The following ANO4 variants were observed in gnomAD, a reference collection of about 807,000 sequenced individuals.
ANO4 encodes the protein anoctamin-4.
A neutral mutation model predicts 141.9 loss-of-function variants in ANO4; 69 were observed. That is an observed-to-expected ratio of 0.49 (90% confidence interval 0.40 to 0.59). The LOEUF is 0.59. ANO4 is among the 20% of genes least tolerant of loss of function. The pLI is 0.00. For missense variants in ANO4, 894 were observed against 1,162.2 expected, an observed-to-expected ratio of 0.77 and a Z score of 3.36; for synonymous variants, 350 against 394.3, an observed-to-expected ratio of 0.89 and a Z score of 1.33.
chr12:100,759,158 C>T (rs1362132991), intron 3 of ANO4, among the ~76,000 whole-genome samples: 1 of 152,164 alleles, frequency 6.6e-6, no homozygotes, highest in African/African-American at 2.4e-5. Flanking sequence ...CACAGAGACA[C>T]ATTGGACCAT....
intron 9 of ANO4, among the ~76,000 whole-genome samples, chr12:101,032,546 G>T (rs1165757245): frequency 6.6e-6 from 1 of 152,194 alleles, no homozygotes; most frequent in Non-Finnish European, 1.5e-5. Flanking sequence ...CAAAGTGGGA[G>T]AAAATTTTCT....
At chr12:100,962,288 A>G (rs750824763) in intron 5 of ANO4, among the ~76,000 whole-genome samples, 1 of 152,196 alleles carries the variant, frequency 6.6e-6, no homozygotes, top group Non-Finnish European at 1.5e-5. Context: ...TTCCTTCTCA[A>G]TGACTGTGTG....
chr12:100,967,853 A>G (rs542458924), intron 5 of ANO4, among the ~76,000 whole-genome samples: 1 of 152,328 alleles, frequency 6.6e-6, no homozygotes, highest in Admixed American at 6.5e-5. Flanking sequence ...ATGCATTTGC[A>G]AAGCCATGGA....
intron 2 of ANO4, among the ~76,000 whole-genome samples, chr12:100,735,453 T>C (rs1157270072): frequency 6.6e-6 from 1 of 152,056 alleles, no homozygotes; most frequent in Non-Finnish European, 1.5e-5. Flanking sequence ...TAGGAGGACA[T>C]TTAGGGTTCA....
chr12:100,942,301 A>G, intron 4 of ANO4, 76 bp from the exon 5 acceptor site: 1 of 1,516,104 alleles, frequency 6.6e-7, no homozygotes. Context: ...TTTAGTTTTA[A>G]TTGTTCTTTA....
intron 3 of ANO4, among the ~76,000 whole-genome samples, chr12:100,933,612 T>C (rs528619749): frequency 2.6e-4 from 39 of 152,372 alleles, no homozygotes; most frequent in Admixed American, 6.5e-4. Flanking sequence ...TAGCATGATT[T>C]ATAATCCTTT....
intron 3 of ANO4, among the ~76,000 whole-genome samples, chr12:100,774,133 A>G (rs1288259200): frequency 2.0e-5 from 3 of 152,168 alleles, no homozygotes; most frequent in Admixed American, 6.5e-5. Context: ...CTCCTGTTCT[A>G]AAGTCTGTCT....
At position 101,085,332 on chromosome 12, in the gene ANO4, G is replaced by C. The variant is rs199675820; in HGVS notation, c.1537-1328G>C. On this transcript the variant is annotated intron_variant, in intron 16 of 27. Transcript: ENST00000392977. The stretch of plus-strand genomic sequence containing the variant: ...TTAAAGTCAGCCCTATGTGTCTGTG[G>C]GTTCTGCATTTATGAATTCAACCAG... Among the ~76,000 whole-genome samples, 135 of 152,146 alleles carry C rather than the reference G, an allele frequency of 8.9e-4. 2 individuals carry two copies. In the East Asian group the frequency reaches 0.019, roughly 21 times the overall value.
intron 9 of ANO4, 116 bp downstream of exon 9, chr12:101,020,256 C>G: frequency 1.5e-6 from 1 of 668,024 alleles, no homozygotes. Context: ...TATAAAACCC[C>G]TAACTAATCC....
intron 22 of ANO4, among the ~76,000 whole-genome samples, chr12:101,105,052 G>A (rs2050386567): frequency 6.6e-6 from 1 of 152,060 alleles, no homozygotes; most frequent in Admixed American, 6.6e-5. Flanking sequence ...GATATGATGG[G>A]CAGGAGGCTG....
At position 101,086,708 on chromosome 12, in the gene ANO4, G is replaced by T; in HGVS notation, c.1585G>T (p.Val529Leu). 1.2e-6 allele frequency: 2 copies of T among 1,613,828 alleles called. No individual in the cohort carries two copies. The highest frequency in any genetic ancestry group is 1.7e-6 in the Non-Finnish European group (2 of 1,179,802). ...AVFGIVIYRV[V>L]TVSTFAAFKW... The stretch of plus-strand genomic sequence containing the variant: ...GTTCGGGATCGTCATTTACCGGGTG[G>T]TGACTGTCAGCACTTTCGCTGCCTT... Residue 529 changes from valine to leucine, a missense_variant, in exon 17 of 28, where the codon GTG (valine) becomes TTG (leucine). Physicochemically the swap from Val to Leu is conservative, Grantham distance 32. Coordinates refer to ENST00000392977, the MANE Select transcript of ANO4 (RefSeq NM_001286615.2).
At chr12:100,893,537 C>T (rs1458848740) in intron 1 of ANO4, among the ~76,000 whole-genome samples, 1 of 152,058 alleles carries the variant, frequency 6.6e-6, no homozygotes, top group Admixed American at 6.6e-5. Flanking sequence ...CTAGTCGGGA[C>T]ATGTGCTTTT....
rs568622804 is a variant in ANO4, at chr12:100,814,143, G to A, written c.-141+19116G>A. ...CCAAATAGGAAGATCTTTAATTCTCGAAAACGGTATACTATATACTCTGTA... is the reference window on the plus strand; with the variant it reads ...CCAAATAGGAAGATCTTTAATTCTCAAAAACGGTATACTATATACTCTGTA... On this transcript the variant is annotated intron_variant, in intron 1 of 27. Coordinates refer to ENST00000392977, the MANE Select transcript of ANO4 (RefSeq NM_001286615.2). Among the ~76,000 whole-genome samples the A allele has an allele frequency of 4.2e-4, 64 of 152,092 alleles. No homozygotes were observed. In the Middle Eastern group the frequency reaches 0.01, roughly 24 times the overall value.
intron 1 of ANO4, among the ~76,000 whole-genome samples, chr12:100,833,726 G>A (rs1464474806): frequency 2.0e-5 from 3 of 152,004 alleles, no homozygotes; most frequent in African/African-American, 7.3e-5. Flanking sequence ...GCTCATAGTA[G>A]GAGATTTTAA....
chr12:100,821,204 T>A (rs1388311659), intron 1 of ANO4, among the ~76,000 whole-genome samples: 5 of 152,012 alleles, frequency 3.3e-5, no homozygotes, highest in African/African-American at 1.2e-4. Flanking sequence ...TACCCTAATA[T>A]GCCACCAAAT....
chr12:100,990,951 G>A (rs759186299), intron 8 of ANO4, among the ~76,000 whole-genome samples: 2 of 152,136 alleles, frequency 1.3e-5, no homozygotes, highest in African/African-American at 2.4e-5. Flanking sequence ...GGAGGACCTA[G>A]TGTTGTTTGA....
chr12:101,101,299 G>T (rs552606245), intron 22 of ANO4, among the ~76,000 whole-genome samples: 3 of 152,168 alleles, frequency 2.0e-5, no homozygotes, highest in African/African-American at 7.2e-5. Context: ...ACCCTTTGTA[G>T]TTGGCTTGTT....
At chr12:100,791,505 G>A (rs1264814946), upstream of ANO4, among the ~76,000 whole-genome samples, 1 of 152,162 alleles carries the variant, frequency 6.6e-6, no homozygotes, top group Non-Finnish European at 1.5e-5. Context: ...TAATTTATAA[G>A]CATTAGGAAT....
chr12:100,718,807 T>G (rs1053498762), intron 1 of ANO4, among the ~76,000 whole-genome samples: 2 of 152,252 alleles, frequency 1.3e-5, no homozygotes, highest in East Asian at 3.8e-4. Context: ...AACATTGTGG[T>G]TCCTGGGTTA....
Sources: gnomAD v4.1 joint callset for allele counts (sites outside exome capture counted in the v4.1 genomes callset) on GRCh38, gnomAD v4.1.1 for gene constraint, MANE v1.5 for transcripts, NCBI Gene and HGNC (gene_info 2026-07-23, HGNC 2026-07-21) for gene names.